Variants in IL1RAPL2 observed in about 807,000 individuals in gnomAD.
IL1RAPL2 encodes interleukin 1 receptor accessory protein like 2, also known as X-linked interleukin-1 receptor accessory protein-like 2.
In IL1RAPL2, 3 loss-of-function variants were observed where a neutral mutation model predicts 44.1. The ratio of observed to expected loss-of-function variants is 0.07; its 90% CI spans 0.03 to 0.18. The LOEUF (loss-of-function observed/expected upper bound fraction) is 0.18, where lower values mean the gene tolerates loss of function less well. Ranked by LOEUF, IL1RAPL2 falls within the 10% of genes least tolerant of loss-of-function variation. IL1RAPL2 has a pLI of 1.00. For synonymous variants in IL1RAPL2, 181 were observed against 178.8 expected (o/e 1.01, Z -0.10); for missense variants, 391 against 496.4 (o/e 0.79, Z 2.02).
chrX:105,050,607 C>T (rs1395189078), intron 2 of IL1RAPL2, among the ~76,000 whole-genome samples: 1 of 111,990 alleles, frequency 8.9e-6, no homozygotes, highest in Non-Finnish European at 1.9e-5. Context: ...TTTGGGGTGT[C>T]GATTTTCCTC....
intron 2 of IL1RAPL2, among the ~76,000 whole-genome samples, chrX:104,889,112 G>C (rs1025334946): frequency 2.7e-5 from 3 of 110,579 alleles, no homozygotes; most frequent in African/African-American, 6.6e-5. Flanking sequence ...CAGATGGCTT[G>C]TCCGCTTCTC....
At chrX:105,024,241 C>A (rs781373354) in intron 2 of IL1RAPL2, among the ~76,000 whole-genome samples, 3 of 111,494 alleles carry the variant, frequency 2.7e-5, no homozygotes, top group African/African-American at 6.5e-5. Context: ...TGGCACTTTT[C>A]CTATACAAAT....
chrX:105,547,719 G>T (rs759697684), intron 6 of IL1RAPL2, among the ~76,000 whole-genome samples: 9 of 112,362 alleles, frequency 8.0e-5, no homozygotes, highest in Non-Finnish European at 1.1e-4. Context: ...TCAAACTTCA[G>T]ATGGTGGGAC....
chrX:105,299,799 TCTAA>T (rs1228322169), intron 5 of IL1RAPL2, among the ~76,000 whole-genome samples: 1 of 111,919 alleles, frequency 8.9e-6, no homozygotes, highest in Non-Finnish European at 1.9e-5. Context: ...AATGCTTAAC[TCTAA>T]CTATATTTCT....
chrX:105,078,509 G>A (rs750962115), intron 2 of IL1RAPL2, among the ~76,000 whole-genome samples: 25 of 112,359 alleles, frequency 2.2e-4, no homozygotes, highest in South Asian at 3.7e-4. Flanking sequence ...CAGTCTGCCC[G>A]TTCTCAGATC....
chrX:104,928,314 G>C (rs1209468454), intron 2 of IL1RAPL2, among the ~76,000 whole-genome samples: 2 of 111,609 alleles, frequency 1.8e-5, no homozygotes, highest in African/African-American at 6.5e-5. Context: ...ATAGATATTA[G>C]TCCAGCTTAT....
At chrX:105,666,855 T>C (rs1411188603) in intron 6 of IL1RAPL2, among the ~76,000 whole-genome samples, 1 of 111,655 alleles carries the variant, frequency 9.0e-6, no homozygotes, top group Non-Finnish European at 1.9e-5. Flanking sequence ...TTTTCTGGGA[T>C]AGGAATCTTG....
intron 1 of IL1RAPL2, among the ~76,000 whole-genome samples, chrX:104,655,528 G>C (rs924481924): frequency 8.9e-6 from 1 of 111,899 alleles, no homozygotes; most frequent in African/African-American, 3.3e-5. Context: ...AAGCCCACTT[G>C]ATCATGGTGG....
chrX:105,764,816 AAAAAT>A (rs767544405), intron 10 of IL1RAPL2, among the ~76,000 whole-genome samples: 93 of 111,582 alleles, frequency 8.3e-4, no homozygotes, highest in Non-Finnish European at 1.3e-3. Flanking sequence ...AAAAAAATAA[AAAAAT>A]AAAATAAAAG....
intron 4 of IL1RAPL2, among the ~76,000 whole-genome samples, chrX:105,258,927 A>G (rs1277014696): frequency 1.8e-5 from 2 of 111,368 alleles, no homozygotes; most frequent in East Asian, 5.7e-4. Flanking sequence ...TATTTCTGTC[A>G]TTCCTGCCAG....
chrX:105,749,742 G>A (rs1318751231), intron 9 of IL1RAPL2, among the ~76,000 whole-genome samples: 1 of 111,983 alleles, frequency 8.9e-6, no homozygotes, highest in Non-Finnish European at 1.9e-5. Context: ...TATCGATAAA[G>A]CAGTGTACTG....
chrX:104,572,602 T>C (rs764319552), intron 1 of IL1RAPL2, among the ~76,000 whole-genome samples: 120 of 111,750 alleles, frequency 1.1e-3, no homozygotes, highest in African/African-American at 3.8e-3. Flanking sequence ...TTCTTTTTCT[T>C]TCTTTTCTTT....
rs748453144 is a variant in IL1RAPL2 at position 105,411,709 on chromosome X, CAAT to C, written c.698-72599_698-72597del. Reference sequence around the variant, plus strand: ...CTAAAGGGAAAGATAGACTGCAAAACAATAATAGTAGGGGACTTCAACACCCCA... The same window carrying C: ...CTAAAGGGAAAGATAGACTGCAAAACAATAGTAGGGGACTTCAACACCCCA... On this transcript the variant is annotated intron_variant, in intron 5 of 10. Transcript: ENST00000372582. 2.4e-4 allele frequency among the ~76,000 whole-genome samples: 27 copies of C among 111,436 alleles called. No individual in the cohort carries two copies. In the South Asian group the frequency reaches 0.01, roughly 42 times the overall value.
intron 2 of IL1RAPL2, among the ~76,000 whole-genome samples, chrX:105,180,391 G>T (rs1202394791): frequency 9.0e-6 from 1 of 111,059 alleles, no homozygotes; most frequent in South Asian, 3.8e-4. Context: ...AAAAAAGTGG[G>T]TATCCTTGTC....
intron 6 of IL1RAPL2, among the ~76,000 whole-genome samples, chrX:105,680,161 G>A (rs1051293863): frequency 1.8e-5 from 2 of 111,301 alleles, no homozygotes; most frequent in East Asian, 2.8e-4. Context: ...CACCATGCCC[G>A]GCTAACTTTT....
chrX:105,029,506 G>GT (rs1404424523), intron 2 of IL1RAPL2, among the ~76,000 whole-genome samples: 23 of 102,267 alleles, frequency 2.2e-4, no homozygotes, highest in African/African-American at 7.9e-4. Flanking sequence ...CCAGTGTTTG[G>GT]TTTTTTGTCC....
At chrX:105,180,655 A>G (rs1036832053) in intron 2 of IL1RAPL2, among the ~76,000 whole-genome samples, 1 of 112,242 alleles carries the variant, frequency 8.9e-6, no homozygotes, top group African/African-American at 3.2e-5. Flanking sequence ...TGATCTGCAT[A>G]TGTTGAACCA....
chrX:105,075,578 C>T lies in IL1RAPL2; in HGVS notation c.83-119897C>T, dbSNP rs1328251656. On this transcript the variant is annotated intron_variant, in intron 2 of 10. Transcript: ENST00000372582. ...TCATAAAATGAGTTAGGGAGGATTC[C>T]CTCTTTTTCTATTGATTGGAATAGT... Among the ~76,000 whole-genome samples the T allele has an allele frequency of 1.2e-4, 13 of 111,871 alleles. No individual in the cohort carries two copies. The East Asian group carries it at 3.1e-3, about 27-fold the overall frequency.
chrX:105,513,752 G>A (rs768251609), intron 6 of IL1RAPL2, among the ~76,000 whole-genome samples: 1 of 111,232 alleles, frequency 9.0e-6, no homozygotes, highest in East Asian at 2.9e-4. Flanking sequence ...TTCTTTTGCT[G>A]TGCAGAAGCT....
Sources: allele counts gnomAD v4.1 joint callset (sites outside exome capture counted in the v4.1 genomes callset), GRCh38; gene constraint gnomAD v4.1.1; transcripts MANE v1.5; gene names NCBI Gene and HGNC (gene_info 2026-07-23, HGNC 2026-07-21).